The following RPS6KC1 variants were observed in gnomAD, a reference collection of about 807,000 sequenced individuals.
RPS6KC1 encodes ribosomal protein S6 kinase C1, also known as inactive ribosomal protein S6 kinase delta-1.
In RPS6KC1, 54 loss-of-function variants were observed where a neutral mutation model predicts 103.8. The ratio of observed to expected loss-of-function variants is 0.52; its 90% confidence interval spans 0.42 to 0.65. The LOEUF (loss-of-function observed/expected upper bound fraction) is 0.65, where lower values mean the gene tolerates loss of function less well. RPS6KC1 is among the 30% of genes least tolerant of loss of function. The pLI is 0.00. For synonymous variants in RPS6KC1, 439 were observed against 438.7 expected (o/e 1.00, Z -0.01); for missense variants, 1,151 against 1,253.8 (o/e 0.92, Z 1.24).
At chr1:213,290,144 C>CAAAAAAA in the RPS6KC1 span, among the ~76,000 whole-genome samples, 4 of 70,072 alleles carry the variant, frequency 5.7e-5, no homozygotes, top group African/African-American at 1.2e-4. Context: ...GACTCCGTCT[C>CAAAAAAA]AAAAAAAAAA....
chr1:213,240,210 A>G (rs932473121), intron 10 of RPS6KC1, among the ~76,000 whole-genome samples: 14 of 152,110 alleles, frequency 9.2e-5, no homozygotes, highest in African/African-American at 1.9e-4. Flanking sequence ...AATTCCTCCA[A>G]TCCTGGACTG....
At chr1:213,812,335 A>G in the RPS6KC1 span, among the ~76,000 whole-genome samples, 3 of 152,178 alleles carry the variant, frequency 2.0e-5, no homozygotes, top group Admixed American at 2.0e-4. Flanking sequence ...AAAGCCAACT[A>G]CTGTCTGAGT....
chr1:213,069,024 C>T (rs1022842040), intron 1 of RPS6KC1, among the ~76,000 whole-genome samples: 3 of 151,830 alleles, frequency 2.0e-5, no homozygotes, highest in Non-Finnish European at 4.4e-5. Flanking sequence ...TGCCATGGCA[C>T]TCTAGCCTAG....
At chr1:213,662,632 G>A in the RPS6KC1 span, among the ~76,000 whole-genome samples, 1 of 152,048 alleles carries the variant, frequency 6.6e-6, no homozygotes, top group Admixed American at 6.6e-5. Context: ...GCGCATAGAT[G>A]TTCTGTGGCT....
the RPS6KC1 span, among the ~76,000 whole-genome samples, chr1:213,664,920 GATGAAATGTTTTTGTTAAA>G: frequency 1.3e-5 from 2 of 152,142 alleles, no homozygotes; most frequent in Non-Finnish European, 2.9e-5. Flanking sequence ...ATATGAAAAG[GATGAAATGTTTTTGTTAAA>G]ATGAATACTT....
At chr1:213,526,022 A>T in the RPS6KC1 span, among the ~76,000 whole-genome samples, 4 of 152,256 alleles carry the variant, frequency 2.6e-5, no homozygotes, top group Admixed American at 6.5e-5. Context: ...GTTGATTTTT[A>T]AAAAATGGGA....
At chr1:213,841,601 C>G in the RPS6KC1 span, among the ~76,000 whole-genome samples, 3 of 152,158 alleles carry the variant, frequency 2.0e-5, no homozygotes, top group African/African-American at 7.2e-5. Context: ...ACTTCCTCCC[C>G]CAATCCCCAC....
intron 6 of RPS6KC1, among the ~76,000 whole-genome samples, chr1:213,149,909 T>C (rs780797114): frequency 7.2e-5 from 11 of 152,218 alleles, no homozygotes; most frequent in Admixed American, 1.3e-4. Context: ...ACCTTGTTTG[T>C]CTCTTCTTAT....
chr1:213,113,260 T>A (rs2083218663), intron 4 of RPS6KC1, among the ~76,000 whole-genome samples: 1 of 151,646 alleles, frequency 6.6e-6, no homozygotes, highest in Non-Finnish European at 1.5e-5. Context: ...CCATTCTAAC[T>A]GGTGTGAGAT....
the RPS6KC1 span, among the ~76,000 whole-genome samples, chr1:213,527,889 A>G: frequency 6.6e-6 from 1 of 152,308 alleles, no homozygotes; most frequent in South Asian, 2.1e-4. Flanking sequence ...CCATGCTCTT[A>G]TAATAAAGTA....
chr1:213,230,625 A>T, intron 9 of RPS6KC1, 81 bp downstream of exon 9: 1 of 984,284 alleles, frequency 1.0e-6, no homozygotes, highest in Non-Finnish European at 1.5e-6. Context: ...ACCTAAGGTC[A>T]GGAGTTCGAG....
At chr1:213,755,805 C>T in the RPS6KC1 span, among the ~76,000 whole-genome samples, 1 of 152,208 alleles carries the variant, frequency 6.6e-6, no homozygotes, top group Non-Finnish European at 1.5e-5. Flanking sequence ...CCATGTACCA[C>T]CCCAAAGACA....
chr1:213,412,309 A>G, the RPS6KC1 span, among the ~76,000 whole-genome samples: 1 of 152,204 alleles, frequency 6.6e-6, no homozygotes, highest in Non-Finnish European at 1.5e-5. Context: ...AAGGCTTCAC[A>G]TTTAGGGCAA....
At chr1:213,716,678 T>C in the RPS6KC1 span, among the ~76,000 whole-genome samples, 23,143 of 152,208 alleles carry the variant, frequency 0.15, 2,123 homozygotes, top group Middle Eastern at 0.27. Context: ...GTACATTCTA[T>C]ATTTTACTAT....
chr1:213,690,909 C>T, the RPS6KC1 span, among the ~76,000 whole-genome samples: 1 of 152,104 alleles, frequency 6.6e-6, no homozygotes, highest in Non-Finnish European at 1.5e-5. Context: ...CCAAGGTACT[C>T]CTGGCTGTTG....
the RPS6KC1 span, among the ~76,000 whole-genome samples, chr1:213,457,491 A>ACTGT: frequency 0.64 from 97,217 of 151,636 alleles, 32,028 homozygotes; most frequent in East Asian, 0.87. Context: ...GAGCAGGGAC[A>ACTGT]CTGCCTTTTA....
chr1:213,844,866 T>C, the RPS6KC1 span, among the ~76,000 whole-genome samples: 9 of 152,132 alleles, frequency 5.9e-5, no homozygotes, highest in Admixed American at 5.9e-4. Context: ...GTAAAAAGTA[T>C]GAAGTCAGAT....
At chr1:213,415,828 T>C in the RPS6KC1 span, among the ~76,000 whole-genome samples, 1 of 152,210 alleles carries the variant, frequency 6.6e-6, no homozygotes, top group African/African-American at 2.4e-5. Context: ...CTCATGGTAA[T>C]GGATGATGAG....
the RPS6KC1 span, among the ~76,000 whole-genome samples, chr1:213,504,668 T>G: frequency 4.6e-5 from 7 of 152,250 alleles, no homozygotes; most frequent in Non-Finnish European, 1.0e-4. Context: ...TCAATTTCCC[T>G]CAGAATTTTG....
Sources: gnomAD v4.1 joint callset for allele counts (sites outside exome capture counted in the v4.1 genomes callset) on GRCh38, gnomAD v4.1.1 for gene constraint, MANE v1.5 for transcripts, NCBI Gene and HGNC (gene_info 2026-07-23, HGNC 2026-07-21) for gene names.